SORCS3: variants seen among roughly 807,000 people sequenced by gnomAD.
The protein encoded by SORCS3 is VPS10 domain-containing receptor SorCS3.
A neutral mutation model predicts 146.3 loss-of-function variants in SORCS3; 57 were observed. The ratio of observed to expected loss-of-function variants is 0.39; its 90% CI spans 0.31 to 0.49. The LOEUF (loss-of-function observed/expected upper bound fraction) is 0.49, where lower values mean the gene tolerates loss of function less well. Among genes scored for constraint, SORCS3 ranks in the 20% least tolerant of loss-of-function variants. SORCS3 has a pLI of 0.92. For synonymous variants in SORCS3, 653 were observed against 618.5 expected (o/e 1.06, Z -0.83); for missense variants, 1,341 against 1,575.5 (o/e 0.85, Z 2.52).
intron 3 of SORCS3, among the ~76,000 whole-genome samples, chr10:104,960,097 AATGTTCATGTGATACG>A (rs1443081143): frequency 3.9e-5 from 6 of 152,116 alleles, no homozygotes. Context: ...AGTTCTAAGG[AATGTTCATGTGATACG>A]ATACTTACTG....
At chr10:105,151,925 A>G (rs765654887) in intron 9 of SORCS3, among the ~76,000 whole-genome samples, 11 of 151,986 alleles carry the variant, frequency 7.2e-5, no homozygotes, top group Non-Finnish European at 1.2e-4. Context: ...TGTCAAGCCG[A>G]CTCCTTCAAA....
intron 1 of SORCS3, among the ~76,000 whole-genome samples, chr10:104,714,472 A>C (rs2016454465): frequency 6.6e-6 from 1 of 152,150 alleles, no homozygotes; most frequent in Non-Finnish European, 1.5e-5. Context: ...TAATTTTGTT[A>C]GAAATATTTA....
intron 1 of SORCS3, among the ~76,000 whole-genome samples, chr10:104,803,329 T>A (rs1430525926): frequency 2.0e-5 from 3 of 152,158 alleles, no homozygotes; most frequent in African/African-American, 7.2e-5. Context: ...TAGTCTCTGT[T>A]ACAGATCCCA....
At chr10:104,996,679 G>C (rs1589585478) in intron 4 of SORCS3, among the ~76,000 whole-genome samples, 1 of 152,198 alleles carries the variant, frequency 6.6e-6, no homozygotes, top group South Asian at 2.1e-4. Context: ...TTGTGACTGA[G>C]TACAAATATT....
chr10:105,168,704 G>T (rs1239470451), intron 13 of SORCS3, among the ~76,000 whole-genome samples: 2 of 152,104 alleles, frequency 1.3e-5, no homozygotes, highest in Non-Finnish European at 2.9e-5. Flanking sequence ...ACTTAAGAAG[G>T]ATTCTCTCAA....
At chr10:104,872,592 C>T (rs1181113580) in intron 2 of SORCS3, among the ~76,000 whole-genome samples, 1 of 148,248 alleles carries the variant, frequency 6.7e-6, no homozygotes, top group Non-Finnish European at 1.5e-5. Flanking sequence ...GCAAACATCC[C>T]AAGAATTCTG....
intron 10 of SORCS3, among the ~76,000 whole-genome samples, chr10:105,158,048 G>A (rs1184388920): frequency 2.0e-5 from 3 of 152,040 alleles, no homozygotes; most frequent in African/African-American, 7.2e-5. Context: ...AGCAAATAGC[G>A]CTCTTTCCCT....
chr10:104,717,886 A>G (rs1424050825), intron 1 of SORCS3, among the ~76,000 whole-genome samples: 1 of 152,220 alleles, frequency 6.6e-6, no homozygotes, highest in Admixed American at 6.5e-5. Context: ...CACGCCTGTA[A>G]TCCCAGCACT....
intron 1 of SORCS3, among the ~76,000 whole-genome samples, chr10:104,838,491 A>G (rs1014194070): frequency 7.2e-5 from 11 of 152,062 alleles, no homozygotes; most frequent in Non-Finnish European, 8.8e-5. Flanking sequence ...AGGTTACATT[A>G]TCATCTCTTC....
chr10:104,915,786 C>T (rs1276920199), intron 2 of SORCS3, 47 bp from the exon 3 acceptor site: 1 of 1,523,400 alleles, frequency 6.6e-7, no homozygotes, highest in Non-Finnish European at 9.1e-7. Context: ...CATAGCTGCC[C>T]ATTGGTAAAA....
At chr10:104,689,013 C>G (rs1181619112) in intron 1 of SORCS3, among the ~76,000 whole-genome samples, 3 of 152,214 alleles carry the variant, frequency 2.0e-5, no homozygotes, top group African/African-American at 7.2e-5. Flanking sequence ...GCCTCTTACT[C>G]AGTTAACACC....
In SORCS3 at chr10:105,082,046, T is replaced by C. The variant is rs1403947499; in HGVS notation, c.1029-7729T>C. Among the ~76,000 whole-genome samples the C allele has an allele frequency of 3.9e-5, 6 of 152,356 alleles. No homozygotes were observed. The East Asian group carries it at 1.2e-3, about 29-fold the overall frequency. On this transcript the variant is annotated intron_variant, in intron 5 of 26. Coordinates refer to ENST00000369701, the MANE Select transcript of SORCS3 (RefSeq NM_014978.3). ...ACAAATATTTACTGATGATCTACCATGTGCCAAGTGCTATAATAGGATCAA... is the reference window on the plus strand; with the variant it reads ...ACAAATATTTACTGATGATCTACCACGTGCCAAGTGCTATAATAGGATCAA...
At chr10:104,792,113 G>T (rs2017501369) in intron 1 of SORCS3, among the ~76,000 whole-genome samples, 2 of 152,148 alleles carry the variant, frequency 1.3e-5, no homozygotes, top group Admixed American at 6.5e-5. Context: ...GGTTAGATTG[G>T]AGGCATAAGT....
intron 3 of SORCS3, among the ~76,000 whole-genome samples, chr10:104,965,834 G>T (rs940254916): frequency 1.3e-5 from 2 of 151,910 alleles, no homozygotes; most frequent in Admixed American, 1.3e-4. Context: ...CTGCAGTTTT[G>T]TTGGTGTGCT....
intron 22 of SORCS3, 26 bp from the exon 23 acceptor site, chr10:105,252,749 C>T (rs757828986): frequency 6.2e-7 from 1 of 1,613,372 alleles, no homozygotes; most frequent in Admixed American, 1.7e-5. Context: ...CCTCCACAGC[C>T]TCTCTTTGTC....
intron 21 of SORCS3, among the ~76,000 whole-genome samples, chr10:105,246,667 A>G (rs2056868148): frequency 6.6e-6 from 1 of 152,222 alleles, no homozygotes; most frequent in Non-Finnish European, 1.5e-5. Flanking sequence ...AAACATTTTA[A>G]TTGTATTGTA....
At chr10:105,013,597 A>T (rs970521837) in intron 4 of SORCS3, among the ~76,000 whole-genome samples, 1 of 152,168 alleles carries the variant, frequency 6.6e-6, no homozygotes, top group Non-Finnish European at 1.5e-5. Flanking sequence ...TCTTGTTTCA[A>T]TATCCAACAA....
chr10:105,037,321 T>TCC (rs2055313256), intron 4 of SORCS3, among the ~76,000 whole-genome samples: 2 of 151,986 alleles, frequency 1.3e-5, no homozygotes, highest in East Asian at 3.9e-4. Context: ...GCAGGGGGTG[T>TCC]GAGATGCCCA....
chr10:104,967,770 C>T (rs2054834303), intron 3 of SORCS3, among the ~76,000 whole-genome samples: 1 of 151,838 alleles, frequency 6.6e-6, no homozygotes, highest in Non-Finnish European at 1.5e-5. Context: ...GCCATCCTCC[C>T]ACCTCAGCCT....
Sources: gnomAD v4.1 joint callset for allele counts (sites outside exome capture counted in the v4.1 genomes callset) on GRCh38, gnomAD v4.1.1 for gene constraint, MANE v1.5 for transcripts, NCBI Gene and HGNC (gene_info 2026-07-23, HGNC 2026-07-21) for gene names.